Variants in ITPR2 observed in about 807,000 individuals in gnomAD.
ITPR2 encodes the protein inositol 1,4,5-trisphosphate-gated calcium channel ITPR2.
ITPR2 carries 207 observed loss-of-function variants against 317.1 expected under a neutral mutation model. The ratio of observed to expected loss-of-function variants is 0.65; its 90% confidence interval spans 0.58 to 0.73. The LOEUF (loss-of-function observed/expected upper bound fraction) is 0.73, where lower values mean the gene tolerates loss of function less well. ITPR2 is among the 30% of genes least tolerant of loss of function. The pLI, the probability that ITPR2 is intolerant of heterozygous loss-of-function variation, is 0.00. For missense variants in ITPR2, 2,613 were observed against 3,284.0 expected, an observed-to-expected ratio of 0.80 and a Z score of 4.99; for synonymous variants, 1,156 against 1,149.1, an observed-to-expected ratio of 1.01 and a Z score of -0.12.
chr12:26,578,722 C>G lies in ITPR2; in HGVS notation c.4621G>C (p.Ala1541Pro), dbSNP rs999688997. 29 of 1,597,820 alleles carry G rather than the reference C, an allele frequency of 1.8e-5. No homozygotes were observed. Among genetic ancestry groups the G allele is most frequent in the Non-Finnish European group, 2.5e-5 (29 of 1,168,812 alleles). The part of the protein sequence containing the change: ...ASVESCIRTL[A>P]EVAKNRGIAI... ...TCAAACTATGACTTACCCACTTCAG[C>G]CAAAGTTCTGATACAGGATTCCACT... Residue 1541 changes from alanine (A) to proline (P), a missense_variant, in exon 34 of 57, where the codon GCT (alanine) becomes CCT (proline). By Grantham distance (27) the Ala-to-Pro change is conservative (BLOSUM62 -1). Around this residue, in one of 9 missense-constraint regions of ITPR2, gnomAD observed 926 missense variants for 1,072.8 expected, o/e 0.86. Transcript: ENST00000381340.
intron 37 of ITPR2, among the ~76,000 whole-genome samples, chr12:26,524,402 T>C: frequency 6.6e-6 from 1 of 152,182 alleles, no homozygotes; most frequent in East Asian, 1.9e-4. Context: ...AACTATGAAA[T>C]ATTATGTACA....
intron 2 of ITPR2, among the ~76,000 whole-genome samples, chr12:26,736,943 G>A (rs1042790261): frequency 6.6e-6 from 1 of 152,138 alleles, no homozygotes; most frequent in African/African-American, 2.4e-5. Flanking sequence ...GTTCAAACTG[G>A]GAAATGTTGC....
At chr12:26,492,961 C>A (rs1942846274) in intron 39 of ITPR2, among the ~76,000 whole-genome samples, 1 of 150,060 alleles carries the variant, frequency 6.7e-6, no homozygotes, top group African/African-American at 2.5e-5. Context: ...CAGATTGTAC[C>A]CCATAAATAT....
chr12:26,645,568 C>T (rs572006855), intron 21 of ITPR2, among the ~76,000 whole-genome samples: 2 of 152,356 alleles, frequency 1.3e-5, no homozygotes, highest in South Asian at 4.1e-4. Flanking sequence ...CAGACAGAAT[C>T]GAGCCATCTC....
At chr12:26,443,825 A>G (rs1941546036) in intron 45 of ITPR2, among the ~76,000 whole-genome samples, 175 bp from the exon 46 acceptor site, 1 of 152,180 alleles carries the variant, frequency 6.6e-6, no homozygotes, top group South Asian at 2.1e-4. Flanking sequence ...ATGAAATCAC[A>G]ATGATCAGCC....
chr12:26,673,891 T>C (rs1947848953), intron 13 of ITPR2, among the ~76,000 whole-genome samples: 1 of 78,960 alleles, frequency 1.3e-5, no homozygotes, highest in Non-Finnish European at 2.6e-5. Context: ...AGCATTCTTA[T>C]ACAACAATAA....
chr12:26,831,574 A>G lies in ITPR2; in HGVS notation c.92+1116T>C, dbSNP rs1951100635. Among the ~76,000 whole-genome samples, 1 of 152,026 alleles carries G rather than the reference A, an allele frequency of 6.6e-6. No homozygotes were observed. The highest frequency in any genetic ancestry group is 2.1e-4 in the South Asian group (1 of 4,828). On this transcript the variant is annotated intron_variant, in intron 1 of 56. Coordinates refer to ENST00000381340, the MANE Select transcript of ITPR2 (RefSeq NM_002223.4). This position sits in a 1 kb window ranked among gnomAD's most constrained non-coding sequence, Gnocchi z 4.9. ...GGTAACAAAAAATTTCCTGTGCATC[A>G]AAATATACTGCAGCGTGCAATTAAA...
At chr12:26,403,448 G>A (rs1483632579) in intron 52 of ITPR2, among the ~76,000 whole-genome samples, 1 of 152,144 alleles carries the variant, frequency 6.6e-6, no homozygotes, top group Non-Finnish European at 1.5e-5. Flanking sequence ...AAATTAGCAT[G>A]TGGTAAAAGA....
At position 26,546,937 on chromosome 12, in the gene ITPR2, C is replaced by T. The variant is rs182343228; in HGVS notation, c.5073+3310G>A. Among the ~76,000 whole-genome samples the T allele has an allele frequency of 2.1e-3, 313 of 152,132 alleles. 1 individual carries two copies. The highest frequency in any genetic ancestry group is 7.1e-3 in the African/African-American group (293 of 41,534). ...AAAGACTTAAATATAAAACTTGAAA[C>T]GATAAAAATACTGGAAGAAAACCTA... On this transcript the variant is annotated intron_variant, in intron 37 of 56. Transcript: ENST00000381340.
chr12:26,473,604 T>C (rs1261688982), intron 45 of ITPR2, among the ~76,000 whole-genome samples: 1 of 152,234 alleles, frequency 6.6e-6, no homozygotes, highest in Admixed American at 6.5e-5. Flanking sequence ...CTTCCTTGCC[T>C]TCTTCCCTCC....
intron 52 of ITPR2, among the ~76,000 whole-genome samples, chr12:26,408,751 T>G (rs538384043): frequency 1.3e-5 from 2 of 152,276 alleles, no homozygotes; most frequent in South Asian, 4.1e-4. Context: ...AAACCACAGT[T>G]AAAGTATATT....
chr12:26,481,362 A>C, intron 42 of ITPR2, 121 bp from the exon 43 acceptor site: 1 of 597,742 alleles, frequency 1.7e-6, no homozygotes, highest in Admixed American at 2.9e-5. Context: ...GGTAAGATTT[A>C]CCTTTGAGCA....
At position 26,605,106 on chromosome 12, in the gene ITPR2, AAT is replaced by A. The variant is rs1402955679; in HGVS notation, c.3463-2402_3463-2401del. ...CAGTCTCAAAAAAAAAAAAAATAAA[AAT>A]AAAAAATAAAAAATAAAAATATATA... On this transcript the variant is annotated intron_variant, in intron 26 of 56. Coordinates refer to ENST00000381340, the MANE Select transcript of ITPR2 (RefSeq NM_002223.4). 2.4e-4 allele frequency among the ~76,000 whole-genome samples: 25 copies of A among 104,976 alleles called. No homozygotes were observed. In the East Asian group the frequency reaches 3.9e-3, roughly 16 times the overall value. 68.9% of individuals were successfully genotyped at this position (104,976 alleles called of 152,430 possible). A position where few individuals can be genotyped will look rare whatever the true frequency, so the allele number is the denominator to read the frequency against.
At chr12:26,582,093 C>A (rs558524188) in intron 32 of ITPR2, among the ~76,000 whole-genome samples, 16 of 152,248 alleles carry the variant, frequency 1.1e-4, no homozygotes, top group African/African-American at 3.4e-4. Context: ...GGAACCTAGT[C>A]CTCAGTTCAT....
At chr12:26,516,305 A>AGGAAAGGAAGGGAAG (rs1555145819) in intron 37 of ITPR2, among the ~76,000 whole-genome samples, 1 of 84,882 alleles carries the variant, frequency 1.2e-5, no homozygotes, top group African/African-American at 3.9e-5. Flanking sequence ...AGGAAAGGAA[A>AGGAAAGGAAGGGAAG]GGAAAGGAAA....
chr12:26,694,275 G>A (rs1948294690), intron 10 of ITPR2, among the ~76,000 whole-genome samples: 1 of 152,090 alleles, frequency 6.6e-6, no homozygotes, highest in Non-Finnish European at 1.5e-5. Flanking sequence ...TATTGTCCAA[G>A]CCACAAAAAT....
rs183384343 is a variant in ITPR2, at chr12:26,409,292, A to T, written c.7399+2028T>A. 1.1e-3 allele frequency among the ~76,000 whole-genome samples: 171 copies of T among 152,362 alleles called. 1 individual carries two copies. The highest frequency in any genetic ancestry group is 0.01 in the Admixed American group (158 of 15,312). ...ATTAGAAAAGTAGCAGACATCATGT[A>T]TCTGGGCTTTGGCAAAAAGTCTTTG... On this transcript the variant is annotated intron_variant, in intron 52 of 56. Transcript: ENST00000381340.
chr12:26,367,259 C>T (rs1216068479), intron 55 of ITPR2, among the ~76,000 whole-genome samples: 2 of 152,058 alleles, frequency 1.3e-5, no homozygotes, highest in African/African-American at 4.8e-5. Context: ...CAAAATGGCT[C>T]CTTACTTTTC....
At chr12:26,361,648 T>C (rs1938834241) in intron 55 of ITPR2, among the ~76,000 whole-genome samples, 1 of 152,222 alleles carries the variant, frequency 6.6e-6, no homozygotes, top group African/African-American at 2.4e-5. Context: ...GAAAAACAGA[T>C]TATCTACTAT....
Sources: gnomAD v4.1 joint callset for allele counts (sites outside exome capture counted in the v4.1 genomes callset) on GRCh38, gnomAD v4.1.1 for gene constraint, gnomAD v4.1.1 regional missense constraint, Gnocchi (gnomAD v3.1) non-coding constraint, MANE v1.5 for transcripts, NCBI Gene and HGNC (gene_info 2026-07-23, HGNC 2026-07-21) for gene names.